TNRC18: variants seen among roughly 807,000 people sequenced by gnomAD.
The protein encoded by TNRC18 is trinucleotide repeat containing 18, also known as trinucleotide repeat-containing gene 18 protein.
Under a neutral mutation model 226.7 loss-of-function variants are expected in TNRC18, and 69 were observed. The ratio of observed to expected loss-of-function variants is 0.30; its 90% CI spans 0.25 to 0.37. The LOEUF is 0.37. TNRC18 is among the 10% of genes least tolerant of loss of function. The pLI is 1.00. For synonymous variants in TNRC18, 2,449 were observed against 1,927.6 expected (o/e 1.27, Z -7.09); for missense variants, 4,754 against 4,256.6 (o/e 1.12, Z -3.25).
chr7:5,375,325 C>T (rs1037916750), intron 9 of TNRC18, among the ~76,000 whole-genome samples: 1 of 151,618 alleles, frequency 6.6e-6, no homozygotes, highest in African/African-American at 2.4e-5. Flanking sequence ...ACAACAAAAA[C>T]AAACAAACAA....
intron 2 of TNRC18, among the ~76,000 whole-genome samples, chr7:5,402,921 C>T (rs980305651): frequency 2.0e-5 from 3 of 151,858 alleles, no homozygotes; most frequent in Non-Finnish European, 4.4e-5. Flanking sequence ...GGAAGGGTGC[C>T]CAGGCCTTCC....
At chr7:5,384,045 AC>A (rs1359463958) in intron 5 of TNRC18, among the ~76,000 whole-genome samples, 1 of 136,988 alleles carries the variant, frequency 7.3e-6, no homozygotes. Context: ...GCTCACTGCA[AC>A]CTCCTCCTCC....
chr7:5,397,338 C>G (rs556520630), intron 2 of TNRC18, among the ~76,000 whole-genome samples: 7 of 152,228 alleles, frequency 4.6e-5, no homozygotes, highest in African/African-American at 1.7e-4. Flanking sequence ...GCAGGCTGCA[C>G]GGAAGCCTAA....
In TNRC18 at chr7:5,312,869, G is replaced by C. The variant is rs745794619; in HGVS notation, c.8022C>G (p.Asp2674Glu). 1 of 1,527,838 alleles carries C rather than the reference G, an allele frequency of 6.5e-7. No homozygotes were observed. The highest frequency in any genetic ancestry group is 8.8e-7 in the Non-Finnish European group (1 of 1,137,552). The allele number at this position is 1,527,838 out of a possible 1,614,324, so 94.6% of individuals were successfully genotyped here. The change falls in exon 27 of 30, where the codon GAC (aspartate) becomes GAG (glutamate). Residue 2674 changes from aspartate (D) to glutamate (E), a missense_variant. Coordinates refer to ENST00000430969, the MANE Select transcript of TNRC18 (RefSeq NM_001080495.3). The surrounding 1 kb of genome is among the most constrained non-coding windows in gnomAD (Gnocchi z 6.3). ...CGTCCGAGCTGCAGGAAGAGTCCTC[G>C]TCTGTGGTGGAGGAAGAAGAGGAGG... ...SSSSSSSSTT[D>E]EDSSCSSDDE...
intron 18 of TNRC18, among the ~76,000 whole-genome samples, chr7:5,340,174 T>C (rs1374609259): frequency 1.3e-5 from 2 of 152,174 alleles, no homozygotes; most frequent in Non-Finnish European, 2.9e-5. Flanking sequence ...TGCCAGGCTG[T>C]GAATGCAAAG....
Position 5,308,848 on chromosome 7 carries a change from C to CCCA in TNRC18, c.8700+24_8700+26dup, listed in dbSNP as rs554158550. 1.4e-3 allele frequency: 1,876 copies of CCCA among 1,376,636 alleles called. 12 individuals are homozygous for CCCA. The East Asian group carries it at 0.026, about 19-fold the overall frequency. 85.3% of individuals were successfully genotyped at this position (1,376,636 alleles called of 1,614,324 possible). On this transcript the variant is annotated intron_variant, in intron 29 of 29. Transcript: ENST00000430969. ...GAAGGAAGCAGCCATCCCCAACCCG[C>CCCA]CCACCACCACCACCACCACCACCTA...
chr7:5,308,897 C>T lies in TNRC18; in HGVS notation c.8678G>A (p.Ser2893Asn), dbSNP rs761594534. 1.2e-5 allele frequency: 16 copies of T among 1,353,368 alleles called. 1 individual carries two copies. In the East Asian group the frequency reaches 7.6e-4, roughly 64 times the overall value. 83.8% of individuals were successfully genotyped at this position (1,353,368 alleles called of 1,614,324 possible). ...TACCTCCATGAAGTCCTTCCTCTGG[C>T]TGGAGACCCGCAGGGCCGCCGGGAG... ...RSLPAALRVS[S>N]QRKDFMERAL... Residue 2893 changes from serine to asparagine, a missense_variant, in exon 29 of 30, where the codon AGC (serine) becomes AAC (asparagine). Physicochemically the swap from Ser to Asn is conservative, Grantham distance 46. Transcript: ENST00000430969.
Position 5,388,893 on chromosome 7 carries a change from G to T in TNRC18, c.931C>A (p.Gln311Lys). 7.4e-7 allele frequency: 1 copy of T among 1,355,544 alleles called. No homozygotes were observed. The highest frequency in any genetic ancestry group is 9.5e-7 in the Non-Finnish European group (1 of 1,050,164). 84.0% of individuals were successfully genotyped at this position (1,355,544 alleles called of 1,614,324 possible). A position where few individuals can be genotyped will look rare whatever the true frequency, so the allele number is the denominator to read the frequency against. Residue 311 changes from glutamine to lysine, a missense_variant, in exon 5 of 30, where the codon CAG (glutamine) becomes AAG (lysine). By Grantham distance (53) the Gln-to-Lys change is moderately conservative (BLOSUM62 1). Coordinates refer to ENST00000430969, the MANE Select transcript of TNRC18 (RefSeq NM_001080495.3). ...GRGGAKEAARQDEGARLLRRT... is the reference protein window; with the variant it reads ...GRGGAKEAARKDEGARLLRRT... ...CGCAGCAGCCGCGCGCCCTCGTCCT[G>T]CCGGGCAGCCTCCTTGGCACCCCCG...
chr7:5,313,271 G>T lies in TNRC18; in HGVS notation c.7620C>A (p.Asn2540Lys), dbSNP rs990583844. The change falls in exon 27 of 30, where the codon AAC (asparagine) becomes AAA (lysine). Residue 2540 changes from asparagine to lysine, a missense_variant. By Grantham distance (94) the Asn-to-Lys change is moderately conservative (BLOSUM62 0). Transcript: ENST00000430969. ...GPGLTFEDSG[N>K]PKSPDKAQAE... ...CCTGGGCCTTGTCTGGGCTCTTGGG[G>T]TTCCCAGAGTCCTCGAACGTGAGCC... The T allele has an allele frequency of 5.2e-6, 8 of 1,548,570 alleles. No homozygotes were observed. The East Asian group carries it at 2.0e-4, about 38-fold the overall frequency.
At chr7:5,392,017 C>T (rs971305972) in intron 3 of TNRC18, among the ~76,000 whole-genome samples, 3 of 151,854 alleles carry the variant, frequency 2.0e-5, no homozygotes, top group Non-Finnish European at 2.9e-5. Context: ...ACCCCATACC[C>T]AGCTGCCCCT....
At position 5,397,645 on chromosome 7, in the gene TNRC18, C is replaced by T. The variant is rs1040729404; in HGVS notation, c.188-3050G>A. 2.6e-5 allele frequency among the ~76,000 whole-genome samples: 4 copies of T among 152,342 alleles called. No individual in the cohort carries two copies. The Middle Eastern group carries it at 0.01, about 389-fold the overall frequency. On this transcript the variant is annotated intron_variant, in intron 2 of 29. Transcript: ENST00000430969. The stretch of plus-strand genomic sequence containing the variant: ...GAACAAACAAACTTCTCCCTGGTCA[C>T]GTCAGGAGCCTGCCCCTTTCCCGCC...
At position 5,374,127 on chromosome 7, in the gene TNRC18, C is replaced by T. The variant is rs750899287; in HGVS notation, c.3157G>A (p.Glu1053Lys). The change falls in exon 10 of 30, where the codon GAG becomes AAG. Residue 1053 changes from glutamate (E) to lysine (K), a missense_variant. Coordinates refer to ENST00000430969, the MANE Select transcript of TNRC18 (RefSeq NM_001080495.3). ...PGITRKEEAPENVVEKKDLEL... is the reference protein window; with the variant it reads ...PGITRKEEAPKNVVEKKDLEL... ...AAGTCTTTCTTCTCGACCACATTCTCGGGAGCCTCCTCCTTGCGGGTGATA... is the reference window on the plus strand; with the variant it reads ...AAGTCTTTCTTCTCGACCACATTCTTGGGAGCCTCCTCCTTGCGGGTGATA... 7.8e-6 allele frequency: 11 copies of T among 1,415,980 alleles called. No individual in the cohort carries two copies. Among genetic ancestry groups the T allele is most frequent in the East Asian group, 3.9e-5 (1 of 25,488 alleles). The allele number at this position is 1,415,980 out of a possible 1,614,324, so 87.7% of individuals were successfully genotyped here.
At chr7:5,357,381 TC>T in intron 15 of TNRC18, 105 bp from the exon 16 acceptor site, 1 of 1,266,000 alleles carries the variant, frequency 7.9e-7, no homozygotes, top group Non-Finnish European at 1.1e-6. Flanking sequence ...TTCACCTGCC[TC>T]TGTGATTTAA....
chr7:5,345,517 G>GGGGGGGGGGCGCCCC, intron 18 of TNRC18, 45 bp downstream of exon 18: 1 of 377,744 alleles, frequency 2.6e-6, no homozygotes. Context: ...AATGGCGTCC[G>GGGGGGGGGGCGCCCC]CCCCTCCCAC....
rs758071753 is a variant in TNRC18 at position 5,390,514 on chromosome 7, T to C, written c.458A>G (p.Asp153Gly). 1 of 1,613,516 alleles carries C rather than the reference T, an allele frequency of 6.2e-7. No individual in the cohort carries two copies. Among genetic ancestry groups the C allele is most frequent in the Non-Finnish European group, 8.5e-7 (1 of 1,179,798 alleles). ...TCCTGGCCCCTGACCTTTCTGGGTATCGAAAATGCTGGGCTGACCCAGCTG... is the reference window on the plus strand; with the variant it reads ...TCCTGGCCCCTGACCTTTCTGGGTACCGAAAATGCTGGGCTGACCCAGCTG... ...LSQLGQPSIFDTQKGQGPGGD... is the reference protein window; with the variant it reads ...LSQLGQPSIFGTQKGQGPGGD... Residue 153 changes from aspartate (D) to glycine (G), a missense_variant, in exon 4 of 30, where the codon GAT becomes GGT. Asp to Gly is a moderately conservative substitution (Grantham distance 94). Coordinates refer to ENST00000430969, the MANE Select transcript of TNRC18 (RefSeq NM_001080495.3).
intron 11 of TNRC18, among the ~76,000 whole-genome samples, chr7:5,369,383 C>T (rs993806923): frequency 1.4e-4 from 22 of 152,112 alleles, no homozygotes; most frequent in Non-Finnish European, 2.6e-4. Flanking sequence ...AAGCATGAAC[C>T]GCAGTCAGCC....
rs1562477938 is a variant in TNRC18 at position 5,313,053 on chromosome 7, G to A, written c.7838C>T (p.Ala2613Val). 1 of 1,017,216 alleles carries A rather than the reference G, an allele frequency of 9.8e-7. No homozygotes were observed. The highest frequency in any genetic ancestry group is 1.5e-6 in the Non-Finnish European group (1 of 672,300). 63.0% of individuals were successfully genotyped at this position (1,017,216 alleles called of 1,614,324 possible). Residue 2613 changes from alanine (A) to valine (V), a missense_variant, in exon 27 of 30, where the codon GCC becomes GTC. Physicochemically the swap from Ala to Val is moderately conservative, Grantham distance 64. Transcript: ENST00000430969. ...SAASSRAASPASSSSSSSSSS... is the reference protein window; with the variant it reads ...SAASSRAASPVSSSSSSSSSS... ...GGAGGATGAGGAGGAGGAGGAGGAG[G>A]CCGGTGAGGCCGCCCTGGAGCTGGC...
Position 5,309,258 on chromosome 7 carries a change from G to A in TNRC18, c.8499C>T (p.Pro2833=), listed in dbSNP as rs1180166276. ...DCAVFLSAGR[P]NLPYIGRIQS... is the part of the protein sequence containing the mutation. ...GGATGCGGCCGATGTAGGGCAGGTT[G>A]GGGCGGCCGGCAGAGAGGAACACGG... Residue 2833 remains proline, a synonymous_variant, in exon 28 of 30, where the codon CCC becomes CCT. Transcript: ENST00000430969. This position sits in a 1 kb window ranked among gnomAD's most constrained non-coding sequence, Gnocchi z 5.7. 6.2e-7 allele frequency: 1 copy of A among 1,613,886 alleles called. No homozygotes were observed.
intron 2 of TNRC18, among the ~76,000 whole-genome samples, chr7:5,397,809 C>T (rs1562616566): frequency 6.6e-6 from 1 of 152,118 alleles, no homozygotes; most frequent in African/African-American, 2.4e-5. Context: ...CCACCCACAA[C>T]CCCTCGGAAA....
Sources: gnomAD v4.1 joint callset for allele counts (sites outside exome capture counted in the v4.1 genomes callset) on GRCh38, gnomAD v4.1.1 for gene constraint, Gnocchi (gnomAD v3.1) non-coding constraint, MANE v1.5 for transcripts, NCBI Gene and HGNC (gene_info 2026-07-23, HGNC 2026-07-21) for gene names.